Variants in SYT16 observed in about 807,000 individuals in gnomAD.
SYT16 encodes the protein synaptotagmin-16.
Under a neutral mutation model 61.4 loss-of-function variants are expected in SYT16, and 42 were observed. The observed-to-expected ratio is 0.68, with a 90% CI of 0.53 to 0.89. SYT16 has a LOEUF of 0.89. Among genes scored for constraint, SYT16 ranks in the 40% least tolerant of loss-of-function variants. SYT16 has a pLI of 0.00. For synonymous variants in SYT16, 314 were observed against 302.3 expected, an observed-to-expected ratio of 1.04 and a Z score of -0.40; for missense variants, 804 against 807.3, an observed-to-expected ratio of 1.00 and a Z score of 0.05.
intron 1 of SYT16, among the ~76,000 whole-genome samples, chr14:61,928,142 G>C (rs1295064593): frequency 6.6e-6 from 1 of 152,120 alleles, no homozygotes; most frequent in Non-Finnish European, 1.5e-5. Context: ...ACCCCTTATG[G>C]ATCTGTATCA....
At chr14:61,864,532 T>C (rs567883955) in intron 1 of SYT16, among the ~76,000 whole-genome samples, 1 of 152,204 alleles carries the variant, frequency 6.6e-6, no homozygotes, top group Non-Finnish European at 1.5e-5. Flanking sequence ...TATGATGTGG[T>C]AGAGATGAGC....
intron 7 of SYT16, among the ~76,000 whole-genome samples, chr14:62,089,318 C>CA (rs11370731): frequency 0.54 from 75,528 of 140,036 alleles, 20,258 homozygotes; most frequent in South Asian, 0.67. Flanking sequence ...GATTCCATCT[C>CA]AAAAAAAAAA....
At chr14:62,000,533 T>TTATAA (rs1366904702) in intron 3 of SYT16, among the ~76,000 whole-genome samples, 2 of 152,024 alleles carry the variant, frequency 1.3e-5, no homozygotes, top group East Asian at 3.9e-4. Context: ...GTTTTAACTG[T>TTATAA]TTGTATTTAA....
chr14:61,853,127 C>T (rs1402527490), intron 1 of SYT16, among the ~76,000 whole-genome samples: 1 of 152,174 alleles, frequency 6.6e-6, no homozygotes, highest in African/African-American at 2.4e-5. Context: ...CCATGTTGGC[C>T]AGGCTGGTCT....
At chr14:62,013,602 G>T (rs748913792) in intron 3 of SYT16, among the ~76,000 whole-genome samples, 6 of 152,096 alleles carry the variant, frequency 3.9e-5, no homozygotes, top group Non-Finnish European at 7.4e-5. Flanking sequence ...CTCCTGAATG[G>T]TTTAGTAGCA....
chr14:62,008,821 A>G (rs1007324916), intron 3 of SYT16, among the ~76,000 whole-genome samples: 1 of 152,098 alleles, frequency 6.6e-6, no homozygotes, highest in Non-Finnish European at 1.5e-5. Context: ...TTACTGCTAC[A>G]TGGTAGTCAA....
chr14:61,870,320 G>A (rs1266495314), intron 1 of SYT16, among the ~76,000 whole-genome samples: 1 of 151,888 alleles, frequency 6.6e-6, no homozygotes, highest in Non-Finnish European at 1.5e-5. Flanking sequence ...TGTTTCTGAT[G>A]AGAAATATAT....
intron 1 of SYT16, among the ~76,000 whole-genome samples, chr14:61,933,290 T>G (rs968210491): frequency 6.6e-6 from 1 of 152,184 alleles, no homozygotes; most frequent in Non-Finnish European, 1.5e-5. Flanking sequence ...TCACAAAGAT[T>G]CTGGCTATAG....
chr14:61,984,897 A>G (rs1031815132), intron 2 of SYT16, among the ~76,000 whole-genome samples: 1 of 152,162 alleles, frequency 6.6e-6, no homozygotes, highest in Non-Finnish European at 1.5e-5. Flanking sequence ...TGCCAGTAGA[A>G]AGGGAAATGT....
At chr14:61,997,812 T>C (rs2052830295) in intron 3 of SYT16, among the ~76,000 whole-genome samples, 1 of 152,032 alleles carries the variant, frequency 6.6e-6, no homozygotes. Flanking sequence ...TTGATATGAA[T>C]TTGGCATACC....
intron 1 of SYT16, among the ~76,000 whole-genome samples, chr14:61,894,640 T>G (rs1223947417): frequency 6.6e-6 from 1 of 152,144 alleles, no homozygotes; most frequent in Non-Finnish European, 1.5e-5. Flanking sequence ...AGGGAGGTTC[T>G]CAGAAGAACA....
chr14:62,065,369 C>A (rs1595327132), intron 3 of SYT16, among the ~76,000 whole-genome samples: 2 of 152,190 alleles, frequency 1.3e-5, no homozygotes, highest in South Asian at 4.2e-4. Flanking sequence ...ATTCCTACTT[C>A]ATGGAATGGG....
In SYT16 at chr14:62,083,860, G is replaced by A. The variant is rs114809347; in HGVS notation, c.1435-336G>A. On this transcript the variant is annotated intron_variant, in intron 6 of 7. Coordinates refer to ENST00000683842, the MANE Select transcript of SYT16 (RefSeq NM_001367656.1). ...AACATCCAAGCACAGATTACACAGG[G>A]GGGAATTTGAGTCTATATTGAATGT... Among the ~76,000 whole-genome samples, 907 of 152,214 alleles carry A rather than the reference G, an allele frequency of 6.0e-3. 10 individuals are homozygous for A. Among genetic ancestry groups the A allele is most frequent in the African/African-American group, 0.021 (876 of 41,538 alleles).
intron 1 of SYT16, among the ~76,000 whole-genome samples, chr14:61,835,679 C>G (rs1455740985): frequency 6.6e-6 from 1 of 151,780 alleles, no homozygotes; most frequent in Non-Finnish European, 1.5e-5. Flanking sequence ...ACACTGTTTT[C>G]TTCTTCTGGG....
In SYT16 at chr14:62,101,310, A is replaced by C. The variant is rs1399115466; in HGVS notation, c.*603A>C. 1 of 152,112 alleles carries C rather than the reference A, an allele frequency of 6.6e-6. No homozygotes were observed. The highest frequency in any genetic ancestry group is 1.5e-5 in the Non-Finnish European group (1 of 68,020). The allele number at this position is 152,112 out of a possible 1,614,324, so 9.4% of individuals were successfully genotyped here. A position where few individuals can be genotyped will look rare whatever the true frequency, so the allele number is the denominator to read the frequency against. On this transcript the variant is annotated 3_prime_UTR_variant, in exon 8 of 8. Coordinates refer to ENST00000683842, the MANE Select transcript of SYT16 (RefSeq NM_001367656.1). Reference sequence around the variant, plus strand: ...TAATTAAATACCTCTTTTATCTTATATTTTGTGGTTTCTATGAGATTTGGT... The same window carrying C: ...TAATTAAATACCTCTTTTATCTTATCTTTTGTGGTTTCTATGAGATTTGGT...
intron 7 of SYT16, among the ~76,000 whole-genome samples, chr14:62,094,721 A>T (rs1166430088): frequency 6.6e-6 from 1 of 152,058 alleles, no homozygotes; most frequent in Non-Finnish European, 1.5e-5. Flanking sequence ...AGAAGTTATT[A>T]TGGGATTTAA....
intron 3 of SYT16, among the ~76,000 whole-genome samples, chr14:62,049,743 T>A (rs1172434727): frequency 6.6e-6 from 1 of 152,212 alleles, no homozygotes; most frequent in Non-Finnish European, 1.5e-5. Flanking sequence ...TGAAGCTTAG[T>A]TTGGCAGAAT....
chr14:61,980,803 C>T (rs1183011919), intron 2 of SYT16, among the ~76,000 whole-genome samples: 4 of 152,110 alleles, frequency 2.6e-5, no homozygotes, highest in Admixed American at 2.6e-4. Flanking sequence ...TAAAAAAAGA[C>T]TAATTGACAT....
intron 1 of SYT16, among the ~76,000 whole-genome samples, chr14:61,952,853 A>G (rs1282779078): frequency 6.6e-6 from 1 of 152,162 alleles, no homozygotes; most frequent in Non-Finnish European, 1.5e-5. Context: ...TTTGTTAGTT[A>G]TTAACTAGGA....
Sources: gnomAD v4.1 joint callset for allele counts (sites outside exome capture counted in the v4.1 genomes callset) on GRCh38, gnomAD v4.1.1 for gene constraint, MANE v1.5 for transcripts, NCBI Gene and HGNC (gene_info 2026-07-23, HGNC 2026-07-21) for gene names.